The following INSL6 variants were observed in gnomAD, a reference collection of about 807,000 sequenced individuals.
INSL6 encodes the protein insulin-like peptide INSL6.
In INSL6, 16 loss-of-function variants were observed where a neutral mutation model predicts 9.4. That is an observed-to-expected ratio of 1.70 (90% CI 1.15 to 2.59). INSL6 has a LOEUF of 2.59. Among genes scored for constraint, INSL6 ranks in the 30% most tolerant of loss-of-function variants. The pLI is 0.00. For missense variants in INSL6, 391 were observed against 257.3 expected, an observed-to-expected ratio of 1.52 and a Z score of -3.56; for synonymous variants, 154 against 96.9, an observed-to-expected ratio of 1.59 and a Z score of -3.46.
the INSL6 span, among the ~76,000 whole-genome samples, chr9:4,998,863 C>G: frequency 6.6e-6 from 1 of 152,116 alleles, no homozygotes; most frequent in Non-Finnish European, 1.5e-5. Context: ...TGGAGTCTCC[C>G]TCTGTCACCC....
At chr9:5,009,056 A>C in the INSL6 span, among the ~76,000 whole-genome samples, 1 of 152,120 alleles carries the variant, frequency 6.6e-6, no homozygotes, top group Non-Finnish European at 1.5e-5. Context: ...ATGTATAGAG[A>C]ATTTATTATG....
In INSL6 at chr9:5,164,116, A is replaced by G; in HGVS notation, c.439T>C (p.Phe147Leu). 3 of 1,612,684 alleles carry G rather than the reference A, an allele frequency of 1.9e-6. No homozygotes were observed. The highest frequency in any genetic ancestry group is 2.5e-6 in the Non-Finnish European group (3 of 1,179,626). The change falls in exon 2 of 2, where the codon TTT becomes CTT. Residue 147 changes from phenylalanine to leucine, a missense_variant. Transcript: ENST00000381641. The stretch of plus-strand genomic sequence containing the variant: ...ATTTTGTTTCTACGTTTCTTCTGAA[A>G]TTTTGCATTCTCATGAATATATACA... Reference protein sequence around the residue: ...INVYIHENAKFQKKRRNKIKT... With the variant: ...INVYIHENAKLQKKRRNKIKT...
At chr9:5,144,551 G>A (rs1424057422) in intron 2 of INSL6, among the ~76,000 whole-genome samples, 1 of 152,120 alleles carries the variant, frequency 6.6e-6, no homozygotes, top group African/African-American at 2.4e-5. Flanking sequence ...TTAATTTTCT[G>A]TCTTGATGAT....
At chr9:5,027,171 A>G in the INSL6 span, among the ~76,000 whole-genome samples, 1 of 152,220 alleles carries the variant, frequency 6.6e-6, no homozygotes, top group Non-Finnish European at 1.5e-5. Flanking sequence ...TATCTGCTTG[A>G]AAGAGTCTCA....
At chr9:5,142,008 C>T (rs748368937) in intron 2 of INSL6, among the ~76,000 whole-genome samples, 3 of 152,054 alleles carry the variant, frequency 2.0e-5, no homozygotes, top group Admixed American at 2.0e-4. Flanking sequence ...TCAGGTTTGT[C>T]GAAAATCAGA....
chr9:5,077,878 C>T, the INSL6 span, among the ~76,000 whole-genome samples: 2 of 152,256 alleles, frequency 1.3e-5, no homozygotes, highest in South Asian at 4.1e-4. Context: ...GTATGTGCTT[C>T]TGTATTTTTG....
chr9:5,182,610 T>G (rs1825482380), intron 1 of INSL6, among the ~76,000 whole-genome samples: 1 of 151,874 alleles, frequency 6.6e-6, no homozygotes, highest in Non-Finnish European at 1.5e-5. Flanking sequence ...AGAAGGGCCC[T>G]TTACAGACTA....
chr9:5,071,778 G>C, the INSL6 span, among the ~76,000 whole-genome samples: 1 of 152,186 alleles, frequency 6.6e-6, no homozygotes, highest in African/African-American at 2.4e-5. Flanking sequence ...AGGAAACAGA[G>C]TGGCCAGGTA....
Position 5,166,466 on chromosome 9 carries a change from A to C in INSL6, c.290-2201T>G, listed in dbSNP as rs115372466. Reference sequence around the variant, plus strand: ...TATCCAGACTAATCAGGAACAAAAAAGATGGAAATGAACAAAATACAGCAG... The same window carrying C: ...TATCCAGACTAATCAGGAACAAAAACGATGGAAATGAACAAAATACAGCAG... On this transcript the variant is annotated intron_variant, in intron 1 of 1. Coordinates refer to ENST00000381641, the MANE Select transcript of INSL6 (RefSeq NM_007179.3). Among the ~76,000 whole-genome samples, 284 of 152,336 alleles carry C rather than the reference A, an allele frequency of 1.9e-3. 1 individual carries two copies. Among genetic ancestry groups the C allele is most frequent in the African/African-American group, 6.5e-3 (271 of 41,596 alleles).
At chr9:5,134,347 C>G (rs1427842389) in intron 2 of INSL6, among the ~76,000 whole-genome samples, 2 of 152,116 alleles carry the variant, frequency 1.3e-5, no homozygotes, top group Non-Finnish European at 2.9e-5. Flanking sequence ...GAGAACACCA[C>G]AAAGATACTC....
At chr9:5,006,584 T>G in the INSL6 span, among the ~76,000 whole-genome samples, 608 of 152,234 alleles carry the variant, frequency 4.0e-3, 4 homozygotes, top group African/African-American at 0.014. Flanking sequence ...AAATTTACAA[T>G]CATGGTAGAA....
At chr9:4,994,577 A>G in the INSL6 span, among the ~76,000 whole-genome samples, 1 of 152,224 alleles carries the variant, frequency 6.6e-6, no homozygotes, top group East Asian at 1.9e-4. Context: ...CTTTGTGGGC[A>G]AGATTGTTTC....
chr9:5,042,593 G>C, the INSL6 span, among the ~76,000 whole-genome samples: 6 of 124,182 alleles, frequency 4.8e-5, no homozygotes, highest in African/African-American at 2.2e-4. Context: ...GAGGCCCCCA[G>C]GGCTGAGGCC....
chr9:5,128,900 G>C (rs982207554), intron 3 of INSL6, among the ~76,000 whole-genome samples: 3 of 151,918 alleles, frequency 2.0e-5, no homozygotes, highest in African/African-American at 7.2e-5. Flanking sequence ...GGTATTCTTA[G>C]AATTATGTAA....
At chr9:5,176,792 T>C (rs1442032429) in intron 1 of INSL6, among the ~76,000 whole-genome samples, 3 of 151,542 alleles carry the variant, frequency 2.0e-5, no homozygotes, top group South Asian at 2.1e-4. Flanking sequence ...AAAAAACCTA[T>C]AGAATCAACA....
chr9:5,174,690 T>A (rs991825983), intron 1 of INSL6, among the ~76,000 whole-genome samples: 1 of 152,224 alleles, frequency 6.6e-6, no homozygotes, highest in African/African-American at 2.4e-5. Context: ...TGAACTTCTA[T>A]CTGCAAACAA....
chr9:5,081,339 A>G, the INSL6 span, among the ~76,000 whole-genome samples: 1,383 of 152,088 alleles, frequency 9.1e-3, 22 homozygotes, highest in African/African-American at 0.032. Flanking sequence ...TGATTCTCTA[A>G]ACATGAGCTG....
the INSL6 span, among the ~76,000 whole-genome samples, chr9:5,032,069 C>A: frequency 1.3e-5 from 2 of 152,244 alleles, no homozygotes; most frequent in South Asian, 4.1e-4. Flanking sequence ...TCTAATACTG[C>A]GCTATTCTAA....
the INSL6 span, among the ~76,000 whole-genome samples, chr9:4,993,005 G>A: frequency 6.6e-6 from 1 of 152,148 alleles, no homozygotes; most frequent in Admixed American, 6.5e-5. Context: ...ATTTGTAAGA[G>A]TAGCTTTCTG....
Sources: allele counts gnomAD v4.1 joint callset (sites outside exome capture counted in the v4.1 genomes callset), GRCh38; gene constraint gnomAD v4.1.1; transcripts MANE v1.5; gene names NCBI Gene and HGNC (gene_info 2026-07-23, HGNC 2026-07-21).